SYNE1: variants seen among roughly 807,000 people sequenced by gnomAD.
SYNE1 encodes the protein nesprin-1.
In SYNE1, 616 loss-of-function variants were observed where a neutral mutation model predicts 1,111.0. That is an observed-to-expected ratio of 0.55 (90% CI 0.52 to 0.59). The LOEUF (loss-of-function observed/expected upper bound fraction) is 0.59, where lower values mean the gene tolerates loss of function less well. Ranked by LOEUF, SYNE1 falls within the 20% of genes least tolerant of loss-of-function variation. The pLI is 0.00. For missense variants in SYNE1, 10,006 were observed against 10,417.0 expected (o/e 0.96, Z 1.72); for synonymous variants, 3,855 against 3,825.8 (o/e 1.01, Z -0.28).
At chr6:152,187,208 A>G (rs1392791177) in intron 128 of SYNE1, among the ~76,000 whole-genome samples, 1 of 152,170 alleles carries the variant, frequency 6.6e-6, no homozygotes, top group Non-Finnish European at 1.5e-5. Context: ...ATTCATAGGA[A>G]ACTGCTCACA....
chr6:152,259,274 A>G (rs1244086650), intron 101 of SYNE1, among the ~76,000 whole-genome samples: 1 of 152,000 alleles, frequency 6.6e-6, no homozygotes, highest in Non-Finnish European at 1.5e-5. Context: ...ATAGTTGCCT[A>G]ATTTTTTTTT....
At position 152,158,976 on chromosome 6, in the gene SYNE1, G is replaced by A. The variant is rs779557667; in HGVS notation, c.23791-2879C>T. ...CAACTTTTTTTCTTTTTTTTGAGACGGAGTCTCGCTCTGTCTGCAGACTGG... is the reference window on the plus strand; with the variant it reads ...CAACTTTTTTTCTTTTTTTTGAGACAGAGTCTCGCTCTGTCTGCAGACTGG... On this transcript the variant is annotated intron_variant, in intron 131 of 145. Transcript: ENST00000367255. Among the ~76,000 whole-genome samples, 14 of 151,990 alleles carry A rather than the reference G, an allele frequency of 9.2e-5. No homozygotes were observed. The South Asian group carries it at 1.5e-3, about 16-fold the overall frequency.
rs757057154 is a variant in SYNE1, at chr6:152,242,412, A to G, written c.19721T>C (p.Ile6574Thr). ...QDMYDELMMI[I>T]GSRRSGLNQN... ...ATTCAGACCACTCCTCCGGGAGCCAATGATCATCATCAGCTCATCATACAT... is the reference window on the plus strand; with the variant it reads ...ATTCAGACCACTCCTCCGGGAGCCAGTGATCATCATCAGCTCATCATACAT... The change falls in exon 107 of 146, where the codon ATT becomes ACT. Residue 6574 changes from isoleucine (I) to threonine (T), a missense_variant. Ile to Thr is a moderately conservative substitution (Grantham distance 89, BLOSUM62 -1). Coordinates refer to ENST00000367255, the MANE Select transcript of SYNE1 (RefSeq NM_182961.4). 2.2e-5 allele frequency: 36 copies of G among 1,613,968 alleles called. No homozygotes were observed. In the Admixed American group the frequency reaches 3.5e-4, roughly 16 times the overall value.
At chr6:152,324,286 C>A (rs1434367351) in intron 81 of SYNE1, among the ~76,000 whole-genome samples, 2 of 152,022 alleles carry the variant, frequency 1.3e-5, no homozygotes, top group Non-Finnish European at 2.9e-5. Flanking sequence ...GTAATCCCAG[C>A]TACTCATGAG....
At chr6:152,338,715 C>T (rs143698010) in intron 75 of SYNE1, among the ~76,000 whole-genome samples, 127 of 152,286 alleles carry the variant, frequency 8.3e-4, no homozygotes, top group African/African-American at 3.0e-3. Context: ...AATACGCCTC[C>T]AGTGCTGCCA....
At chr6:152,437,601 G>C (rs2098485429) in intron 32 of SYNE1, among the ~76,000 whole-genome samples, 1 of 152,092 alleles carries the variant, frequency 6.6e-6, no homozygotes, top group Non-Finnish European at 1.5e-5. Flanking sequence ...GATTTAGTAT[G>C]TATGTGGCTG....
chr6:152,250,446 G>A (rs1432492660), intron 104 of SYNE1, among the ~76,000 whole-genome samples: 1 of 151,958 alleles, frequency 6.6e-6, no homozygotes, highest in Non-Finnish European at 1.5e-5. Flanking sequence ...AAGGATAATC[G>A]TACCAAGGAA....
In SYNE1 at chr6:152,151,678, G is replaced by A. The variant is rs768879707; in HGVS notation, c.24325C>T (p.Gln8109Ter). ...CGCGCAGTCTCAAACTCCTCACGCT[G>A]GCCAATAAAATGCTGGAAGGCAAGA... ...ILRRLKHFIG[Q>*]REEFETARDS... is the part of the protein sequence containing the mutation. The change falls in exon 135 of 146, where the codon CAG becomes TAG. Residue 8109 changes from glutamine (Q) to a stop codon, truncating the protein, a stop_gained. Transcript: ENST00000367255. LOFTEE classifies it high-confidence loss of function. 6.2e-7 allele frequency: 1 copy of A among 1,613,826 alleles called. No homozygotes were observed. The highest frequency in any genetic ancestry group is 1.3e-5 in the African/African-American group (1 of 74,860).
chr6:152,407,628 A>G (rs1420156382), intron 44 of SYNE1, among the ~76,000 whole-genome samples: 1 of 152,252 alleles, frequency 6.6e-6, no homozygotes, highest in African/African-American at 2.4e-5. Context: ...AACATAACGC[A>G]TATGAAAGCA....
Position 152,358,373 on chromosome 6 carries a change from C to G in SYNE1, c.10608G>C (p.Gln3536His). ...TGTTTTAGGATAAAGGAGGCCTTACCTGAAGATCACGCAATGTTGTCTCAT... is the reference window on the plus strand; with the variant it reads ...TGTTTTAGGATAAAGGAGGCCTTACGTGAAGATCACGCAATGTTGTCTCAT... The part of the protein sequence containing the change: ...HTHETTLRDL[Q>H]ELQVHCAEGQ... Residue 3536 changes from glutamine (Q) to histidine (H), a missense_variant and splice_region_variant, in exon 66 of 146, where the codon CAG (glutamine) becomes CAC (histidine). By Grantham distance (24) the Gln-to-His change is conservative. Coordinates refer to ENST00000367255, the MANE Select transcript of SYNE1 (RefSeq NM_182961.4). 2 of 1,614,110 alleles carry G rather than the reference C, an allele frequency of 1.2e-6. No homozygotes were observed. Among genetic ancestry groups the G allele is most frequent in the Non-Finnish European group, 1.7e-6 (2 of 1,180,008 alleles).
In SYNE1 at chr6:152,380,875, T is replaced by C. The variant is rs562867062; in HGVS notation, c.9009+131A>G. 3.9e-5 allele frequency: 33 copies of C among 854,014 alleles called. No individual in the cohort carries two copies. In the East Asian group the frequency reaches 8.0e-4, roughly 21 times the overall value. The allele number at this position is 854,014 out of a possible 1,614,324, so 52.9% of individuals were successfully genotyped here. Reference sequence around the variant, plus strand: ...AACAAATCAGACTTTGCTTATTTAATGAGATAAATACTTCTTCCAAGTGTG... The same window carrying C: ...AACAAATCAGACTTTGCTTATTTAACGAGATAAATACTTCTTCCAAGTGTG... On this transcript the variant is annotated intron_variant, in intron 56 of 145. Coordinates refer to ENST00000367255, the MANE Select transcript of SYNE1 (RefSeq NM_182961.4).
At chr6:152,460,799 CTTTTTTTTTTTT>C (rs869295894) in intron 21 of SYNE1, among the ~76,000 whole-genome samples, 1 of 67,538 alleles carries the variant, frequency 1.5e-5, no homozygotes, top group African/African-American at 6.1e-5. Flanking sequence ...TGTATATAAT[CTTTTTTTTTTTT>C]TTTTTTTTTT....
chr6:152,320,590 C>T (rs927329501), intron 84 of SYNE1, among the ~76,000 whole-genome samples: 13 of 152,052 alleles, frequency 8.5e-5, no homozygotes, highest in African/African-American at 2.7e-4. Flanking sequence ...TTGTGCTCTT[C>T]ATGAGACCAG....
chr6:152,154,886 G>A lies in SYNE1; in HGVS notation c.24129+6C>T, dbSNP rs1398485889. 4 of 1,613,886 alleles carry A rather than the reference G, an allele frequency of 2.5e-6. No homozygotes were observed. The highest frequency in any genetic ancestry group is 1.1e-5 in the South Asian group (1 of 91,080). On this transcript the variant is annotated splice_donor_region_variant and intron_variant, in intron 133 of 145. Coordinates refer to ENST00000367255, the MANE Select transcript of SYNE1 (RefSeq NM_182961.4). ...TAAGGATTAAAAATTTGGAATTATA[G>A]ATTACCTCAAATTTCTTTAGTTCTT...
intron 4 of SYNE1, among the ~76,000 whole-genome samples, chr6:152,536,571 TG>T (rs2099244032): frequency 6.6e-6 from 1 of 150,506 alleles, no homozygotes; most frequent in Non-Finnish European, 1.5e-5. Flanking sequence ...CCACTCCCAA[TG>T]GCGGCCAATG....
intron 51 of SYNE1, among the ~76,000 whole-genome samples, chr6:152,393,789 GA>G (rs765694416): frequency 9.2e-5 from 14 of 151,896 alleles, no homozygotes; most frequent in Non-Finnish European, 1.8e-4. Context: ...GGACTCAGTG[GA>G]AACAGAAAAT....
At chr6:152,511,782 C>T (rs187969019) in intron 6 of SYNE1, among the ~76,000 whole-genome samples, 1 of 152,296 alleles carries the variant, frequency 6.6e-6, no homozygotes, top group African/African-American at 2.4e-5. Context: ...CAGTTCCCTA[C>T]TTTTGGGTGA....
At chr6:152,231,968 T>G in intron 113 of SYNE1, 148 bp downstream of exon 113, 1 of 587,800 alleles carries the variant, frequency 1.7e-6, no homozygotes, top group Admixed American at 3.0e-5. Context: ...TAACTGATAA[T>G]GCATTTTTCT....
chr6:152,444,687 G>C, intron 29 of SYNE1, 109 bp from the exon 30 acceptor site: 1 of 953,500 alleles, frequency 1.0e-6, no homozygotes, highest in Non-Finnish European at 1.6e-6. Flanking sequence ...ACATATTTAA[G>C]GTGTACTACG....
Sources: gnomAD v4.1 joint callset for allele counts (sites outside exome capture counted in the v4.1 genomes callset) on GRCh38, gnomAD v4.1.1 for gene constraint, MANE v1.5 for transcripts, NCBI Gene and HGNC (gene_info 2026-07-23, HGNC 2026-07-21) for gene names.